GLIS3: variants seen among roughly 807,000 people sequenced by gnomAD.
GLIS3 encodes GLIS family zinc finger 3, also known as zinc finger protein GLIS3.
GLIS3 carries 53 observed loss-of-function variants against 78.6 expected under a neutral mutation model. The ratio of observed to expected loss-of-function variants is 0.67; its 90% CI spans 0.54 to 0.85. GLIS3 has a LOEUF of 0.85. Among genes scored for constraint, GLIS3 ranks in the 40% least tolerant of loss-of-function variants. GLIS3 has a pLI of 0.00. For missense variants in GLIS3, 1,703 were observed against 1,231.1 expected (o/e 1.38, Z -5.74); for synonymous variants, 684 against 509.9 (o/e 1.34, Z -4.60).
chr9:4,222,320 T>A (rs1398841476), intron 2 of GLIS3, among the ~76,000 whole-genome samples: 1 of 152,232 alleles, frequency 6.6e-6, no homozygotes, highest in Non-Finnish European at 1.5e-5. Context: ...TTCCTCCCAC[T>A]ACCTGCTTAT....
the GLIS3 span, among the ~76,000 whole-genome samples, chr9:4,421,599 T>C: frequency 6.6e-6 from 1 of 152,248 alleles, no homozygotes; most frequent in Non-Finnish European, 1.5e-5. Context: ...TCACCCAAGA[T>C]ACAGTTGTCA....
intron 4 of GLIS3, among the ~76,000 whole-genome samples, chr9:4,100,031 G>T (rs1431287433): frequency 1.3e-5 from 2 of 152,070 alleles, no homozygotes; most frequent in African/African-American, 4.8e-5. Context: ...CTCCCATACT[G>T]GATTTTGTAA....
chr9:4,322,337 A>G (rs1817544244), intron 2 of GLIS3, among the ~76,000 whole-genome samples: 1 of 152,164 alleles, frequency 6.6e-6, no homozygotes, highest in Non-Finnish European at 1.5e-5. Context: ...CACAATAAAC[A>G]TATGTGTGCA....
chr9:4,316,486 A>G (rs1319992037), intron 2 of GLIS3, among the ~76,000 whole-genome samples: 1 of 152,234 alleles, frequency 6.6e-6, no homozygotes, highest in Non-Finnish European at 1.5e-5. Context: ...AACATTGATG[A>G]GAAAAACAAA....
At chr9:4,440,798 T>C in the GLIS3 span, among the ~76,000 whole-genome samples, 2 of 152,226 alleles carry the variant, frequency 1.3e-5, no homozygotes, top group Non-Finnish European at 2.9e-5. Flanking sequence ...GCACACAGGA[T>C]ATCTTTTCAT....
chr9:4,021,713 C>T (rs1022122614), intron 4 of GLIS3, among the ~76,000 whole-genome samples: 1 of 152,152 alleles, frequency 6.6e-6, no homozygotes, highest in Non-Finnish European at 1.5e-5. Flanking sequence ...AGAGACTTTC[C>T]TTGAGCTAGC....
chr9:4,307,141 C>G (rs899978998), intron 4 of GLIS3, among the ~76,000 whole-genome samples: 13 of 152,176 alleles, frequency 8.5e-5, no homozygotes, highest in Admixed American at 6.5e-5. Flanking sequence ...GATTCTTGAT[C>G]TCATTTAATT....
chr9:4,074,896 A>G (rs1384736595), intron 4 of GLIS3, among the ~76,000 whole-genome samples: 1 of 152,182 alleles, frequency 6.6e-6, no homozygotes, highest in Admixed American at 6.5e-5. Flanking sequence ...ATCATCTACC[A>G]TGATCTTCTT....
chr9:4,351,653 A>G (rs965241229), upstream of GLIS3, among the ~76,000 whole-genome samples: 10 of 152,230 alleles, frequency 6.6e-5, no homozygotes, highest in African/African-American at 2.4e-4. Flanking sequence ...ACATCAAATG[A>G]TAAGGAAAGA....
At chr9:4,303,884 AT>A (rs1309894128), upstream of GLIS3, among the ~76,000 whole-genome samples, 1 of 152,220 alleles carries the variant, frequency 6.6e-6, no homozygotes, top group Admixed American at 6.6e-5. Context: ...GCAGCCAGTT[AT>A]TCTTTCACCA....
At chr9:4,176,864 T>A (rs1236571079) in intron 2 of GLIS3, among the ~76,000 whole-genome samples, 1 of 152,270 alleles carries the variant, frequency 6.6e-6, no homozygotes, top group Admixed American at 6.5e-5. Context: ...CCTCAGGTGA[T>A]CCGCCCGCCT....
intron 2 of GLIS3, among the ~76,000 whole-genome samples, chr9:4,338,411 A>C (rs2130579034): frequency 7.5e-6 from 1 of 133,804 alleles, no homozygotes. Flanking sequence ...CACACACACA[A>C]TTTTTTAAAC....
intron 9 of GLIS3, among the ~76,000 whole-genome samples, chr9:3,831,936 AT>A (rs1320280692): frequency 6.6e-6 from 1 of 151,986 alleles, no homozygotes. Flanking sequence ...AAGTTACCAT[AT>A]CTATAGTTGT....
At chr9:4,015,701 A>G (rs1822374578) in intron 4 of GLIS3, among the ~76,000 whole-genome samples, 1 of 152,024 alleles carries the variant, frequency 6.6e-6, no homozygotes. Context: ...CAGCCTGGCC[A>G]ACAAGGTGAA....
At chr9:4,066,391 C>G (rs774437860) in intron 4 of GLIS3, among the ~76,000 whole-genome samples, 1 of 152,120 alleles carries the variant, frequency 6.6e-6, no homozygotes, top group African/African-American at 2.4e-5. Context: ...ATAGGTACGC[C>G]TTCTGCAGAA....
At chr9:4,326,736 G>A (rs1817605708) in intron 2 of GLIS3, among the ~76,000 whole-genome samples, 1 of 152,128 alleles carries the variant, frequency 6.6e-6, no homozygotes, top group South Asian at 2.1e-4. Flanking sequence ...GGAACCTACA[G>A]CAACAGCAAG....
At chr9:4,128,099 G>A (rs902399286) in intron 2 of GLIS3, among the ~76,000 whole-genome samples, 1 of 152,182 alleles carries the variant, frequency 6.6e-6, no homozygotes, top group East Asian at 1.9e-4. Flanking sequence ...AAACTAATGT[G>A]ATCACTGAAA....
At chr9:3,912,408 A>C (rs1332714089) in intron 6 of GLIS3, among the ~76,000 whole-genome samples, 1 of 152,100 alleles carries the variant, frequency 6.6e-6, no homozygotes, top group African/African-American at 2.4e-5. Flanking sequence ...AGAGACTAAA[A>C]CATATTAGAA....
intron 4 of GLIS3, among the ~76,000 whole-genome samples, chr9:4,010,663 T>G (rs1188286471): frequency 1.3e-5 from 2 of 152,350 alleles, no homozygotes; most frequent in East Asian, 3.9e-4. Context: ...TGAGATCATC[T>G]GTGGCTCTTT....
Sources: allele counts gnomAD v4.1 joint callset (sites outside exome capture counted in the v4.1 genomes callset), GRCh38; gene constraint gnomAD v4.1.1; transcripts MANE v1.5; gene names NCBI Gene and HGNC (gene_info 2026-07-23, HGNC 2026-07-21).